Variants in SLC24A2 observed in about 807,000 individuals in gnomAD.
The protein encoded by SLC24A2 is solute carrier family 24 member 2.
In SLC24A2, 36 loss-of-function variants were observed where a neutral mutation model predicts 62.0. The observed-to-expected ratio is 0.58, with a 90% confidence interval of 0.44 to 0.77. SLC24A2 has a LOEUF of 0.77. Ranked by LOEUF, SLC24A2 falls within the 30% of genes least tolerant of loss-of-function variation. The pLI, the probability that SLC24A2 is intolerant of heterozygous loss-of-function variation, is 0.00. For missense variants in SLC24A2, 846 were observed against 817.9 expected, an observed-to-expected ratio of 1.03 and a Z score of -0.42; for synonymous variants, 358 against 294.0, an observed-to-expected ratio of 1.22 and a Z score of -2.23.
chr9:19,542,685 T>G (rs1834335716), intron 8 of SLC24A2, among the ~76,000 whole-genome samples: 2 of 152,218 alleles, frequency 1.3e-5, no homozygotes, highest in Admixed American at 1.3e-4. Flanking sequence ...CTGCATCTGT[T>G]GAAATAATCA....
At chr9:19,516,433 G>A (rs1272497560) in intron 10 of SLC24A2, 31 bp from the exon 11 acceptor site, 2 of 1,611,450 alleles carry the variant, frequency 1.2e-6, no homozygotes, top group South Asian at 1.1e-5. Context: ...GCAGAGGGGA[G>A]TGGGAAGACA....
the SLC24A2 span, among the ~76,000 whole-genome samples, chr9:20,015,425 G>A: frequency 6.6e-6 from 1 of 152,182 alleles, no homozygotes. Context: ...GAAGAGCTGT[G>A]AGCTGGATTG....
At chr9:19,619,334 T>C (rs934912358) in intron 4 of SLC24A2, among the ~76,000 whole-genome samples, 1 of 152,254 alleles carries the variant, frequency 6.6e-6, no homozygotes, top group African/African-American at 2.4e-5. Context: ...ACTATATTTA[T>C]GCTGGAGGCA....
the SLC24A2 span, among the ~76,000 whole-genome samples, chr9:20,260,685 C>A: frequency 5.3e-5 from 8 of 151,842 alleles, no homozygotes; most frequent in African/African-American, 1.7e-4. Flanking sequence ...TTGTGGAGAA[C>A]AGGTGGTGTT....
At position 19,515,382 on chromosome 9, in the gene SLC24A2, C is replaced by T. The variant is rs188760910; in HGVS notation, c.*771G>A. ...ACTCTGGTGGAGGTGGGCAGATAGT[C>T]TCTCTGTTTGGCTTGTAGGAATGTT... On this transcript the variant is annotated 3_prime_UTR_variant, in exon 11 of 11. Transcript: ENST00000341998. The T allele has an allele frequency of 2.6e-5, 4 of 152,258 alleles. No homozygotes were observed. In the East Asian group the frequency reaches 7.7e-4, roughly 29 times the overall value. 9.4% of individuals were successfully genotyped at this position (152,258 alleles called of 1,614,324 possible).
chr9:20,221,121 CAGA>C, the SLC24A2 span, among the ~76,000 whole-genome samples: 3 of 151,956 alleles, frequency 2.0e-5, no homozygotes, highest in South Asian at 2.1e-4. Flanking sequence ...GAAGCAGAAT[CAGA>C]AGAAGAAGAA....
the SLC24A2 span, among the ~76,000 whole-genome samples, chr9:20,054,004 GGAATCCCCA>G: frequency 4.6e-5 from 7 of 152,100 alleles, no homozygotes; most frequent in African/African-American, 1.7e-4. Flanking sequence ...TGTCCTGAAT[GGAATCCCCA>G]GAGTCTGAGC....
the SLC24A2 span, among the ~76,000 whole-genome samples, chr9:19,823,924 T>A: frequency 6.6e-6 from 1 of 151,958 alleles, no homozygotes. Flanking sequence ...AATGGGGAAA[T>A]GATTCCCTAT....
the SLC24A2 span, among the ~76,000 whole-genome samples, chr9:20,226,910 T>C: frequency 1.3e-5 from 2 of 152,174 alleles, no homozygotes; most frequent in Non-Finnish European, 2.9e-5. Flanking sequence ...AGGGAAATAA[T>C]TTAGGACTAA....
At chr9:19,792,033 C>G (rs1465826893), upstream of SLC24A2, among the ~76,000 whole-genome samples, 1 of 152,166 alleles carries the variant, frequency 6.6e-6, no homozygotes, top group Non-Finnish European at 1.5e-5. Flanking sequence ...TTAAAAATCA[C>G]TAGGTCATAC....
At chr9:19,591,472 A>G (rs947783898) in intron 5 of SLC24A2, among the ~76,000 whole-genome samples, 1 of 152,216 alleles carries the variant, frequency 6.6e-6, no homozygotes, top group Admixed American at 6.5e-5. Flanking sequence ...AGTTTAACAA[A>G]CTACATTTCC....
the SLC24A2 span, among the ~76,000 whole-genome samples, chr9:20,258,648 T>G: frequency 6.6e-6 from 1 of 152,142 alleles, no homozygotes; most frequent in Non-Finnish European, 1.5e-5. Context: ...ACTAATAATT[T>G]CACCATGAAG....
intron 8 of SLC24A2, among the ~76,000 whole-genome samples, chr9:19,534,223 C>T (rs1279509468): frequency 6.6e-6 from 1 of 152,180 alleles, no homozygotes; most frequent in Non-Finnish European, 1.5e-5. Context: ...AGTCAGGGGA[C>T]TTGGGTTCAA....
At chr9:20,121,639 T>C in the SLC24A2 span, among the ~76,000 whole-genome samples, 3 of 152,260 alleles carry the variant, frequency 2.0e-5, no homozygotes, top group East Asian at 5.8e-4. Context: ...GGAATGTCCA[T>C]TTTTTCCAGC....
At chr9:20,205,990 G>T in the SLC24A2 span, among the ~76,000 whole-genome samples, 1 of 152,002 alleles carries the variant, frequency 6.6e-6, no homozygotes, top group Non-Finnish European at 1.5e-5. Flanking sequence ...ATGCATCTGT[G>T]GTTCACTCGG....
intron 2 of SLC24A2, among the ~76,000 whole-genome samples, chr9:19,778,275 A>T (rs1261437283): frequency 6.6e-6 from 1 of 152,208 alleles, no homozygotes; most frequent in Non-Finnish European, 1.5e-5. Flanking sequence ...CAGAACACTG[A>T]CCAAATACAA....
intron 5 of SLC24A2, among the ~76,000 whole-genome samples, chr9:19,586,148 C>T (rs1213653935): frequency 1.3e-5 from 2 of 152,180 alleles, no homozygotes; most frequent in Non-Finnish European, 2.9e-5. Context: ...TTCTGGAAGC[C>T]TTCCCTGAGT....
At chr9:19,644,598 G>A (rs1042303011) in intron 2 of SLC24A2, among the ~76,000 whole-genome samples, 1 of 152,108 alleles carries the variant, frequency 6.6e-6, no homozygotes, top group Non-Finnish European at 1.5e-5. Flanking sequence ...TTATCGTGCT[G>A]CCCTCTATCT....
At chr9:19,904,555 G>C in the SLC24A2 span, among the ~76,000 whole-genome samples, 1 of 152,160 alleles carries the variant, frequency 6.6e-6, no homozygotes, top group Non-Finnish European at 1.5e-5. Context: ...AAAATAGTAG[G>C]GTTAGACTAT....
Sources: gnomAD v4.1 joint callset for allele counts (sites outside exome capture counted in the v4.1 genomes callset) on GRCh38, gnomAD v4.1.1 for gene constraint, MANE v1.5 for transcripts, NCBI Gene and HGNC (gene_info 2026-07-23, HGNC 2026-07-21) for gene names.